The following PDXDC1 variants were observed in gnomAD, a reference collection of about 807,000 sequenced individuals.
PDXDC1 encodes the protein pyridoxal-dependent decarboxylase domain-containing protein 1.
PDXDC1 carries 42 observed loss-of-function variants against 100.1 expected under a neutral mutation model. The observed-to-expected ratio is 0.42, with a 90% CI of 0.33 to 0.54. PDXDC1 has a LOEUF of 0.54. PDXDC1 is among the 20% of genes least tolerant of loss of function. The probability of loss-of-function intolerance (pLI) is 0.10; values close to 1 mark genes in which losing one functional copy is unlikely to be tolerated. For synonymous variants in PDXDC1, 260 were observed against 371.7 expected (o/e 0.70, Z 3.46); for missense variants, 636 against 979.2 (o/e 0.65, Z 4.68).
chr16:15,078,281 C>T (rs2045551220), intron 16 of PDXDC1, among the ~76,000 whole-genome samples: 1 of 152,124 alleles, frequency 6.6e-6, no homozygotes, highest in African/African-American at 2.4e-5. Context: ...TCAATGTTTT[C>T]CTCCACCAAA....
chr16:15,073,031 G>A, intron 16 of PDXDC1: 4 of 1,613,076 alleles, frequency 2.5e-6, no homozygotes, highest in Non-Finnish European at 2.5e-6. Context: ...TGTCAAAGAT[G>A]TTTATCAGGT....
chr16:15,147,799 C>T, the PDXDC1 span, among the ~76,000 whole-genome samples: 66 of 152,236 alleles, frequency 4.3e-4, no homozygotes, highest in African/African-American at 1.6e-3. Flanking sequence ...AGTGATTCTC[C>T]TGCCTCAGCC....
At chr16:15,093,371 G>A (rs1031620970) in intron 16 of PDXDC1, among the ~76,000 whole-genome samples, 1 of 152,130 alleles carries the variant, frequency 6.6e-6, no homozygotes. Flanking sequence ...AATCTCAAAA[G>A]CTCCTTCTCT....
intron 16 of PDXDC1, chr16:15,060,054 G>A (rs770709003): frequency 1.6e-4 from 34 of 217,056 alleles, no homozygotes; most frequent in Non-Finnish European, 2.8e-4. Context: ...ACCTTTTATT[G>A]GTATAAGAAC....
At position 15,132,661 on chromosome 16, in the gene PDXDC1, G is replaced by A. The variant is rs553148813; in HGVS notation, c.1400-6218G>A. On this transcript the variant is annotated intron_variant, in intron 16 of 16. Transcript: ENST00000535621. ...GCCAAGCTGCCCGTCTGCCCTGGGGGGCTGAACCCAGTACCCTGGCAGGCA... is the reference window on the plus strand; with the variant it reads ...GCCAAGCTGCCCGTCTGCCCTGGGGAGCTGAACCCAGTACCCTGGCAGGCA... 1.2e-5 allele frequency: 9 copies of A among 723,530 alleles called. No homozygotes were observed. The South Asian group carries it at 1.4e-4, about 11-fold the overall frequency. 44.8% of individuals were successfully genotyped at this position (723,530 alleles called of 1,614,324 possible). A position where few individuals can be genotyped will look rare whatever the true frequency, so the allele number is the denominator to read the frequency against.
chr16:15,136,324 G>A (rs546775842), intron 16 of PDXDC1, among the ~76,000 whole-genome samples: 7 of 152,294 alleles, frequency 4.6e-5, no homozygotes, highest in Non-Finnish European at 2.9e-5. Context: ...GCACCGGCAG[G>A]GATCCCCGCG....
chr16:15,084,330 G>T (rs1446195035), intron 16 of PDXDC1, among the ~76,000 whole-genome samples: 1 of 151,954 alleles, frequency 6.6e-6, no homozygotes, highest in Non-Finnish European at 1.5e-5. Context: ...CATATGGCAT[G>T]ACACAAACAC....
rs1453783775 is a variant in PDXDC1, at chr16:15,106,756, G to A, written c.1400-32123G>A. Among the ~76,000 whole-genome samples the A allele has an allele frequency of 5.7e-4, 46 of 80,908 alleles. 11 individuals carry two copies. Among genetic ancestry groups the A allele is most frequent in the South Asian group, 1.5e-3 (3 of 2,006 alleles). The allele number at this position is 80,908 out of a possible 152,430, so 53.1% of individuals were successfully genotyped here. Reference sequence around the variant, plus strand: ...GGTGACACAGCAAGACTCCATCTCAGAAAAACAAAAACAAAAACAAAAAAA... The same window carrying A: ...GGTGACACAGCAAGACTCCATCTCAAAAAAACAAAAACAAAAACAAAAAAA... On this transcript the variant is annotated intron_variant, in intron 16 of 16. Coordinates refer to the PDXDC1 transcript ENST00000535621.
intron 16 of PDXDC1, among the ~76,000 whole-genome samples, chr16:15,052,123 G>A (rs1386337228): frequency 1.3e-5 from 2 of 152,118 alleles, no homozygotes; most frequent in Admixed American, 6.6e-5. Flanking sequence ...AGGCCAGACA[G>A]TAAATATTTG....
At chr16:15,141,116 C>T (rs2048467810), downstream of PDXDC1, among the ~76,000 whole-genome samples, 1 of 136,980 alleles carries the variant, frequency 7.3e-6, no homozygotes, top group Non-Finnish European at 1.7e-5. Flanking sequence ...TGAGCACCCG[C>T]CCAGCCCCTG....
At chr16:15,092,387 T>G (rs2046169981) in intron 16 of PDXDC1, 1 of 689,828 alleles carries the variant, frequency 1.4e-6, no homozygotes. Flanking sequence ...ATGCTATTAT[T>G]AAATATTTGA....
the PDXDC1 span, among the ~76,000 whole-genome samples, chr16:15,146,480 C>T: frequency 1.3e-5 from 2 of 152,138 alleles, no homozygotes; most frequent in African/African-American, 2.4e-5. Context: ...CAGCCCCGCA[C>T]GTCTCACACA....
Position 15,104,545 on chromosome 16 carries a change from G to C in PDXDC1, c.1400-34334G>C, listed in dbSNP as rs762534891. On this transcript the variant is annotated intron_variant, in intron 16 of 16. Transcript: ENST00000535621. ...TGGAAGGGGAGTGAGCAGACACTCGGAGGTGTCTTGAGATTATCATCCGCT... is the reference window on the plus strand; with the variant it reads ...TGGAAGGGGAGTGAGCAGACACTCGCAGGTGTCTTGAGATTATCATCCGCT... 8.9e-6 allele frequency: 14 copies of C among 1,581,834 alleles called. No individual in the cohort carries two copies. The East Asian group carries it at 2.5e-4, about 28-fold the overall frequency.
rs76588997 is a variant in PDXDC1, at chr16:15,104,474, C to T, written c.1400-34405C>T. The stretch of plus-strand genomic sequence containing the variant: ...TGGAAGGGGAGTGAGCAGACACACT[C>T]GGGAGGTGTCTTGAGATTATCATCC... On this transcript the variant is annotated intron_variant, in intron 16 of 16. Coordinates refer to the PDXDC1 transcript ENST00000535621. 741 of 332,762 alleles carry T rather than the reference C, an allele frequency of 2.2e-3. 155 individuals carry two copies. Among genetic ancestry groups the T allele is most frequent in the Admixed American group, 0.012 (63 of 5,348 alleles). 20.6% of individuals were successfully genotyped at this position (332,762 alleles called of 1,614,324 possible).
chr16:15,122,674 G>GAGCCAAAAGAGA (rs1468590823), intron 16 of PDXDC1, among the ~76,000 whole-genome samples: 1 of 150,886 alleles, frequency 6.6e-6, no homozygotes, highest in Non-Finnish European at 1.5e-5. Context: ...ATCCCAGCAG[G>GAGCCAAAAGAGA]AGCCAAAAGA....
At chr16:15,149,776 G>A in the PDXDC1 span, among the ~76,000 whole-genome samples, 1 of 152,086 alleles carries the variant, frequency 6.6e-6, no homozygotes, top group Non-Finnish European at 1.5e-5. Context: ...CAGGGTGAGT[G>A]GCAACCAGCA....
intron 16 of PDXDC1, among the ~76,000 whole-genome samples, chr16:15,063,572 G>A (rs530162107): frequency 1.3e-5 from 2 of 151,926 alleles, no homozygotes; most frequent in South Asian, 2.1e-4. Flanking sequence ...GCCGGGTGTG[G>A]TGGCGGACAC....
chr16:15,122,335 C>G lies in PDXDC1; in HGVS notation c.1400-16544C>G. Among the ~76,000 whole-genome samples the G allele has an allele frequency of 1.4e-5, 2 of 146,796 alleles. 1 individual carries two copies. On this transcript the variant is annotated intron_variant, in intron 16 of 16. Transcript: ENST00000535621. ...AAGCGATCCTCCCACCTCAGCCTCT[C>G]CAGTAACTGGGATAACAGGTACGCA...
intron 16 of PDXDC1, chr16:15,104,703 T>C (rs536968913): frequency 2.8e-5 from 44 of 1,597,286 alleles, no homozygotes; most frequent in Non-Finnish European, 3.4e-5. Context: ...AGCTGTGAGG[T>C]AGGGCCAGCA....
Sources: gnomAD v4.1 joint callset for allele counts (sites outside exome capture counted in the v4.1 genomes callset) on GRCh38, gnomAD v4.1.1 for gene constraint, MANE v1.5 for transcripts, NCBI Gene and HGNC (gene_info 2026-07-23, HGNC 2026-07-21) for gene names.